Variants in THSD7A observed in about 807,000 individuals in gnomAD.
The protein encoded by THSD7A is thrombospondin type 1 domain containing 7A, also known as thrombospondin type-1 domain-containing protein 7A.
In THSD7A, 96 loss-of-function variants were observed where a neutral mutation model predicts 231.3. The ratio of observed to expected loss-of-function variants is 0.41; its 90% CI spans 0.35 to 0.49. The LOEUF (loss-of-function observed/expected upper bound fraction) is 0.49, where lower values mean the gene tolerates loss of function less well. Among genes scored for constraint, THSD7A ranks in the 20% least tolerant of loss-of-function variants. THSD7A has a pLI of 0.05. For missense variants in THSD7A, 2,290 were observed against 2,070.2 expected (o/e 1.11, Z -2.06); for synonymous variants, 940 against 743.3 (o/e 1.26, Z -4.30).
At chr7:11,459,698 T>C (rs1161986327) in intron 11 of THSD7A, among the ~76,000 whole-genome samples, 2 of 115,726 alleles carry the variant, frequency 1.7e-5, no homozygotes, top group Admixed American at 1.7e-4. Context: ...TTTTTTTTTT[T>C]TTTACAAAAC....
At chr7:11,744,119 A>AT (rs1782197484) in intron 1 of THSD7A, among the ~76,000 whole-genome samples, 2 of 151,778 alleles carry the variant, frequency 1.3e-5, no homozygotes, top group Admixed American at 6.6e-5. Context: ...GCCTTTTATG[A>AT]TTTTTCATAC....
chr7:11,757,734 A>G (rs1425235558), intron 1 of THSD7A, among the ~76,000 whole-genome samples: 2 of 151,890 alleles, frequency 1.3e-5, no homozygotes, highest in Non-Finnish European at 2.9e-5. Context: ...CCCTTTGTCC[A>G]TTGTAACATG....
chr7:11,424,500 A>G (rs1181922146), intron 16 of THSD7A, among the ~76,000 whole-genome samples, 196 bp downstream of exon 16: 1 of 152,232 alleles, frequency 6.6e-6, no homozygotes, highest in Non-Finnish European at 1.5e-5. Flanking sequence ...TTCCTAAATC[A>G]GAAGGCCAGA....
At chr7:11,472,711 A>G (rs1378560968) in intron 8 of THSD7A, among the ~76,000 whole-genome samples, 2 of 152,170 alleles carry the variant, frequency 1.3e-5, no homozygotes, top group East Asian at 3.9e-4. Context: ...GCGTGTACAT[A>G]TGTACATCCA....
intron 9 of THSD7A, among the ~76,000 whole-genome samples, chr7:11,464,674 C>T (rs1385327095): frequency 6.6e-6 from 1 of 151,956 alleles, no homozygotes; most frequent in East Asian, 1.9e-4. Flanking sequence ...AGTGGCAATC[C>T]ATTTATTCTT....
intron 2 of THSD7A, among the ~76,000 whole-genome samples, chr7:11,621,193 T>C (rs1298890648): frequency 6.6e-6 from 1 of 152,202 alleles, no homozygotes; most frequent in African/African-American, 2.4e-5. Flanking sequence ...ACATGCATCA[T>C]TCATGACGAT....
chr7:11,648,637 C>CGTGTGTGTGTGTGTGT (rs3031455), intron 1 of THSD7A, among the ~76,000 whole-genome samples: 31,729 of 140,788 alleles, frequency 0.23, 4,126 homozygotes, highest in Non-Finnish European at 0.29. Flanking sequence ...TATTTTGTGG[C>CGTGTGTGTGTGTGTGT]GTGTGTGTGT....
chr7:11,691,552 A>C (rs1436382766), intron 1 of THSD7A, among the ~76,000 whole-genome samples: 1 of 151,434 alleles, frequency 6.6e-6, no homozygotes, highest in Non-Finnish European at 1.5e-5. Context: ...CTTTTACAAG[A>C]GTCATACACA....
chr7:11,394,590 G>A (rs565361338), intron 23 of THSD7A, among the ~76,000 whole-genome samples: 33 of 152,292 alleles, frequency 2.2e-4, no homozygotes, highest in Admixed American at 9.8e-4. Context: ...GTTTACTTGT[G>A]TTGACCAAGA....
chr7:11,668,342 C>T (rs545782677), intron 1 of THSD7A, among the ~76,000 whole-genome samples: 3 of 151,722 alleles, frequency 2.0e-5, no homozygotes, highest in Non-Finnish European at 4.4e-5. Flanking sequence ...CACTGGAAAC[C>T]GGGAGGCGGA....
chr7:11,507,247 T>G (rs1787583363), intron 6 of THSD7A, among the ~76,000 whole-genome samples: 1 of 152,168 alleles, frequency 6.6e-6, no homozygotes, highest in Non-Finnish European at 1.5e-5. Context: ...TACATTTTAA[T>G]TTTTCAACTT....
At chr7:11,461,816 G>T (rs1785514368) in intron 10 of THSD7A, among the ~76,000 whole-genome samples, 195 bp downstream of exon 10, 1 of 152,116 alleles carries the variant, frequency 6.6e-6, no homozygotes, top group African/African-American at 2.4e-5. Context: ...ACAAATATTT[G>T]CCTTCTTGTA....
rs1781828847 is a variant in THSD7A, at chr7:11,636,038, A to G, written c.1022+92T>C. The G allele has an allele frequency of 8.1e-7, 1 of 1,235,392 alleles. No individual in the cohort carries two copies. Among genetic ancestry groups the G allele is most frequent in the Non-Finnish European group, 1.1e-6 (1 of 886,224 alleles). 76.5% of individuals were successfully genotyped at this position (1,235,392 alleles called of 1,614,324 possible). ...CTCATCCTAGGTTGTGCCCCTACGT[A>G]ATCCAGAAGTTATTAGATAGTACCG... On this transcript the variant is annotated intron_variant, in intron 2 of 27. Coordinates refer to ENST00000423059, the MANE Select transcript of THSD7A (RefSeq NM_015204.3). This position sits in a 1 kb window ranked among gnomAD's most constrained non-coding sequence, Gnocchi z 10.0.
intron 11 of THSD7A, among the ~76,000 whole-genome samples, chr7:11,453,716 A>G (rs1785217289): frequency 6.6e-6 from 1 of 152,014 alleles, no homozygotes; most frequent in African/African-American, 2.4e-5. Flanking sequence ...TGATATGTCT[A>G]CCTTGAATCT....
At position 11,375,652 on chromosome 7, in the gene THSD7A, A is replaced by G. The variant is rs1782238835; in HGVS notation, c.*142T>C. ...CTTAAATATCTCCAGTGGCAGTATG[A>G]TTTTCACTCTTGTCTTTATGATGCC... On this transcript the variant is annotated 3_prime_UTR_variant, in exon 28 of 28. Transcript: ENST00000423059. The G allele has an allele frequency of 1.5e-6, 1 of 657,766 alleles. No homozygotes were observed. The highest frequency in any genetic ancestry group is 1.8e-5 in the African/African-American group (1 of 54,436). 40.7% of individuals were successfully genotyped at this position (657,766 alleles called of 1,614,324 possible). A position where few individuals can be genotyped will look rare whatever the true frequency, so the allele number is the denominator to read the frequency against.
chr7:11,652,020 C>A (rs145812506), intron 1 of THSD7A, among the ~76,000 whole-genome samples: 108 of 152,040 alleles, frequency 7.1e-4, no homozygotes, highest in Middle Eastern at 6.8e-3. Flanking sequence ...TTTTATTACA[C>A]ATCTAGAAGC....
intron 6 of THSD7A, among the ~76,000 whole-genome samples, chr7:11,487,215 A>G (rs1257599306): frequency 2.0e-5 from 3 of 152,090 alleles, no homozygotes; most frequent in African/African-American, 7.2e-5. Flanking sequence ...TTTTTATTCG[A>G]CTGTATCTCT....
At chr7:11,677,619 G>T (rs1374446200) in intron 1 of THSD7A, among the ~76,000 whole-genome samples, 1 of 130,828 alleles carries the variant, frequency 7.6e-6, no homozygotes, top group African/African-American at 3.4e-5. Flanking sequence ...AAAAAGCAGG[G>T]GTTGCAATCC....
Position 11,594,287 on chromosome 7 carries a change from A to T in THSD7A, c.1023-785T>A, listed in dbSNP as rs548311501. Among the ~76,000 whole-genome samples the T allele has an allele frequency of 1.8e-4, 28 of 152,204 alleles. No individual in the cohort carries two copies. In the East Asian group the frequency reaches 5.4e-3, roughly 29 times the overall value. On this transcript the variant is annotated intron_variant, in intron 2 of 27. Coordinates refer to ENST00000423059, the MANE Select transcript of THSD7A (RefSeq NM_015204.3). ...AGATAATACTTAATAACTACACTTT[A>T]TACATATATCTATCCTATCAGTTCT...
Sources: allele counts gnomAD v4.1 joint callset (sites outside exome capture counted in the v4.1 genomes callset), GRCh38; gene constraint gnomAD v4.1.1; non-coding constraint Gnocchi (gnomAD v3.1); transcripts MANE v1.5; gene names NCBI Gene and HGNC (gene_info 2026-07-23, HGNC 2026-07-21).